The following ZNF362 variants were observed in gnomAD, a reference collection of about 807,000 sequenced individuals.
The protein encoded by ZNF362 is zinc finger protein 362.
In ZNF362, 11 loss-of-function variants were observed where a neutral mutation model predicts 42.9. That is an observed-to-expected ratio of 0.26 (90% confidence interval 0.16 to 0.42). The LOEUF (loss-of-function observed/expected upper bound fraction) is 0.42, where lower values mean the gene tolerates loss of function less well. ZNF362 is among the 20% of genes least tolerant of loss of function. ZNF362 has a pLI of 1.00. For missense variants in ZNF362, 362 were observed against 576.2 expected (o/e 0.63, Z 3.81); for synonymous variants, 255 against 257.3 (o/e 0.99, Z 0.09).
chr1:33,184,123 C>CT, the ZNF362 span, among the ~76,000 whole-genome samples: 1 of 151,678 alleles, frequency 6.6e-6, no homozygotes, highest in Non-Finnish European at 1.5e-5. Context: ...CCAAGCAGGT[C>CT]TTTGTGAGGA....
At chr1:33,209,612 G>A in the ZNF362 span, among the ~76,000 whole-genome samples, 18 of 152,262 alleles carry the variant, frequency 1.2e-4, no homozygotes, top group East Asian at 3.1e-3. Flanking sequence ...CCTGTTATTG[G>A]TCTATTTGGA....
chr1:33,181,162 G>T, the ZNF362 span: 2 of 1,596,830 alleles, frequency 1.3e-6, no homozygotes, highest in South Asian at 2.2e-5. This position sits in a 1 kb window ranked among gnomAD's most constrained non-coding sequence, Gnocchi z 6.5. Flanking sequence ...TGGCAGGGTC[G>T]CGCGGCGCGG....
At chr1:33,237,813 G>A in the ZNF362 span, among the ~76,000 whole-genome samples, 20 of 152,262 alleles carry the variant, frequency 1.3e-4, no homozygotes, top group African/African-American at 4.1e-4. Flanking sequence ...TCTTTACTCC[G>A]TCAGCTGCTG....
the ZNF362 span, among the ~76,000 whole-genome samples, chr1:33,241,732 A>T: frequency 0.2 from 30,250 of 152,080 alleles, 3,430 homozygotes; most frequent in South Asian, 0.28. Flanking sequence ...TGCCGGTCTT[A>T]TGCTGCCAGA....
chr1:33,147,511 A>G, the ZNF362 span: 2 of 1,613,356 alleles, frequency 1.2e-6, no homozygotes, highest in Non-Finnish European at 1.7e-6. This position sits in a 1 kb window ranked among gnomAD's most constrained non-coding sequence, Gnocchi z 8.1. Context: ...TGCCAGCCCG[A>G]TCACCCACTG....
At chr1:33,147,436 A>C in the ZNF362 span, 4 of 1,613,958 alleles carry the variant, frequency 2.5e-6, no homozygotes, top group Non-Finnish European at 3.4e-6. This position sits in a 1 kb window ranked among gnomAD's most constrained non-coding sequence, Gnocchi z 8.1. Context: ...ATCGTGCATC[A>C]CGATGCAGTA....
chr1:33,276,616 G>A (rs1028017221), intron 4 of ZNF362, 22 bp downstream of exon 4: 11 of 1,316,884 alleles, frequency 8.4e-6, no homozygotes, highest in Middle Eastern at 2.8e-4. Flanking sequence ...GGGCGGGGCC[G>A]GCGGGGCCGG....
the ZNF362 span, among the ~76,000 whole-genome samples, chr1:33,235,633 G>C: frequency 6.6e-6 from 1 of 152,122 alleles, no homozygotes; most frequent in Non-Finnish European, 1.5e-5. Context: ...AGTGAGATTG[G>C]GCTCAATGCT....
chr1:33,130,152 C>T, the ZNF362 span, among the ~76,000 whole-genome samples: 1 of 152,188 alleles, frequency 6.6e-6, no homozygotes, highest in Non-Finnish European at 1.5e-5. Flanking sequence ...AACCACTGCA[C>T]CTGGCCGTAG....
chr1:33,181,569 G>C, the ZNF362 span: 1 of 1,392,338 alleles, frequency 7.2e-7, no homozygotes, highest in East Asian at 2.7e-5. The surrounding 1 kb of genome is among the most constrained non-coding windows in gnomAD (Gnocchi z 6.5). Flanking sequence ...ACCGGAGAAG[G>C]GAGGGGGTGC....
chr1:33,224,719 T>G, the ZNF362 span, among the ~76,000 whole-genome samples: 1 of 151,996 alleles, frequency 6.6e-6, no homozygotes, highest in Non-Finnish European at 1.5e-5. Flanking sequence ...AAAGAGAAAA[T>G]AGGGCAGATG....
At chr1:33,188,946 CAGACCTCCTTAACTGCAATTT>C in the ZNF362 span, among the ~76,000 whole-genome samples, 2 of 152,182 alleles carry the variant, frequency 1.3e-5, no homozygotes, top group African/African-American at 4.8e-5. Flanking sequence ...GCTTCTTCCC[CAGACCTCCTTAACTGCAATTT>C]TGCAGTCTTG....
chr1:33,279,478 T>TG (rs1557793727), intron 4 of ZNF362, among the ~76,000 whole-genome samples: 2 of 115,658 alleles, frequency 1.7e-5, no homozygotes, highest in African/African-American at 2.9e-5. Context: ...AAATTTTTAG[T>TG]TTTTTTTTTT....
the ZNF362 span, among the ~76,000 whole-genome samples, chr1:33,152,562 C>T: frequency 4.9e-5 from 7 of 142,686 alleles, no homozygotes; most frequent in African/African-American, 1.6e-4. Flanking sequence ...AGTGAAACTC[C>T]GTCTCAAAAA....
chr1:33,278,083 AT>A lies in ZNF362; in HGVS notation c.349+1495del, dbSNP rs1322525675. ...CTGTTATTATGATTTTATTAAATTTATTTTTTCCATTATAAAAGTAATATTA... is the reference window on the plus strand; with the variant it reads ...CTGTTATTATGATTTTATTAAATTTATTTTTCCATTATAAAAGTAATATTA... On this transcript the variant is annotated intron_variant, in intron 4 of 8. Transcript: ENST00000539719. Among the ~76,000 whole-genome samples, 10 of 152,224 alleles carry A rather than the reference AT, an allele frequency of 6.6e-5. No individual in the cohort carries two copies. In the East Asian group the frequency reaches 1.5e-3, roughly 24 times the overall value.
chr1:33,154,280 G>T, the ZNF362 span, among the ~76,000 whole-genome samples: 2 of 152,084 alleles, frequency 1.3e-5, no homozygotes, highest in African/African-American at 4.8e-5. Context: ...TCCCTCCCCA[G>T]TCACTGACCC....
chr1:33,268,689 T>C (rs139341677), intron 1 of ZNF362, among the ~76,000 whole-genome samples: 18 of 151,982 alleles, frequency 1.2e-4, no homozygotes, highest in African/African-American at 3.9e-4. Flanking sequence ...ATGCAGCCTG[T>C]GGAAGGTGAG....
At chr1:33,128,972 C>A in the ZNF362 span, among the ~76,000 whole-genome samples, 3 of 152,042 alleles carry the variant, frequency 2.0e-5, no homozygotes, top group African/African-American at 7.2e-5. Flanking sequence ...AGCTGCCGGC[C>A]AGGATTAGGA....
chr1:33,252,354 AAACAACAACAACAACAACAAC>A (rs3075190), upstream of ZNF362, among the ~76,000 whole-genome samples: 2 of 149,998 alleles, frequency 1.3e-5, no homozygotes, highest in Admixed American at 1.3e-4. Flanking sequence ...CTCCATCTCA[AAACAACAACAACAACAACAAC>A]AACAACAACA....
Sources: allele counts gnomAD v4.1 joint callset (sites outside exome capture counted in the v4.1 genomes callset), GRCh38; gene constraint gnomAD v4.1.1; non-coding constraint Gnocchi (gnomAD v3.1); transcripts MANE v1.5; gene names NCBI Gene and HGNC (gene_info 2026-07-23, HGNC 2026-07-21).